CADM2: variants seen among roughly 807,000 people sequenced by gnomAD.
CADM2 encodes cell adhesion molecule 2.
A neutral mutation model predicts 49.8 loss-of-function variants in CADM2; 12 were observed. That is an observed-to-expected ratio of 0.24 (90% CI 0.15 to 0.39). CADM2 has a LOEUF of 0.39. Ranked by LOEUF, CADM2 falls within the 10% of genes least tolerant of loss-of-function variation. The pLI is 1.00. For missense variants in CADM2, 378 were observed against 492.3 expected (o/e 0.77, Z 2.20); for synonymous variants, 214 against 175.4 (o/e 1.22, Z -1.74).
At chr3:86,052,333 GA>G (rs923265899) in intron 8 of CADM2, among the ~76,000 whole-genome samples, 3 of 152,038 alleles carry the variant, frequency 2.0e-5, no homozygotes, top group African/African-American at 7.2e-5. Context: ...GTACGGCTTT[GA>G]AAAGTTTTAA....
intron 1 of CADM2, among the ~76,000 whole-genome samples, chr3:85,340,770 G>A (rs2045218226): frequency 1.3e-5 from 2 of 151,296 alleles, no homozygotes; most frequent in African/African-American, 4.8e-5. Context: ...TTGTTTAAAA[G>A]CTCATCCATA....
chr3:84,976,835 T>G (rs2031851449), intron 1 of CADM2, among the ~76,000 whole-genome samples: 1 of 151,932 alleles, frequency 6.6e-6, no homozygotes, highest in Admixed American at 6.6e-5. Flanking sequence ...CATATCATCT[T>G]ATCTTTTCAA....
At chr3:85,467,093 C>A (rs943127704) in intron 1 of CADM2, among the ~76,000 whole-genome samples, 7 of 152,030 alleles carry the variant, frequency 4.6e-5, no homozygotes, top group African/African-American at 1.7e-4. Context: ...TAGCAACTAC[C>A]CTATGTTGAC....
chr3:86,026,904 T>C (rs549038796), intron 8 of CADM2, among the ~76,000 whole-genome samples: 2 of 152,314 alleles, frequency 1.3e-5, no homozygotes, highest in East Asian at 3.9e-4. Flanking sequence ...TATGCATTCT[T>C]ATGGTTAACT....
At chr3:85,510,648 T>C (rs1347557926) in intron 1 of CADM2, among the ~76,000 whole-genome samples, 1 of 152,106 alleles carries the variant, frequency 6.6e-6, no homozygotes, top group Non-Finnish European at 1.5e-5. Flanking sequence ...ATGTATTCAA[T>C]ATTCAACTCT....
At chr3:85,318,615 C>G (rs2044526585) in intron 1 of CADM2, among the ~76,000 whole-genome samples, 1 of 152,054 alleles carries the variant, frequency 6.6e-6, no homozygotes, top group Non-Finnish European at 1.5e-5. Context: ...TAACATAGTA[C>G]CTTCAGAATC....
intron 5 of CADM2, among the ~76,000 whole-genome samples, chr3:85,902,196 G>A (rs1249235818): frequency 6.6e-6 from 1 of 151,904 alleles, no homozygotes; most frequent in African/African-American, 2.4e-5. Flanking sequence ...TACCTTAAGT[G>A]CTCTCTTTAC....
At chr3:85,484,673 C>A (rs892221926) in intron 1 of CADM2, among the ~76,000 whole-genome samples, 1 of 151,808 alleles carries the variant, frequency 6.6e-6, no homozygotes, top group Non-Finnish European at 1.5e-5. Flanking sequence ...GCTTTCTTAC[C>A]GTCACAGACC....
intron 1 of CADM2, among the ~76,000 whole-genome samples, chr3:85,436,894 CTT>C (rs1054611212): frequency 3.3e-5 from 5 of 152,266 alleles, no homozygotes; most frequent in African/African-American, 1.2e-4. Flanking sequence ...AGGGTTCACT[CTT>C]GTTACTGTAC....
At chr3:85,216,309 T>A (rs2107781869) in intron 1 of CADM2, among the ~76,000 whole-genome samples, 2 of 147,512 alleles carry the variant, frequency 1.4e-5, no homozygotes, top group South Asian at 4.2e-4. Context: ...TTTATATATA[T>A]TTAACATATT....
intron 1 of CADM2, among the ~76,000 whole-genome samples, chr3:85,318,761 G>A (rs1488116925): frequency 6.6e-6 from 1 of 152,146 alleles, no homozygotes; most frequent in Non-Finnish European, 1.5e-5. Context: ...AAATGATATT[G>A]AGTTGGATAG....
At chr3:85,519,140 C>G (rs2060972401) in intron 1 of CADM2, among the ~76,000 whole-genome samples, 1 of 151,932 alleles carries the variant, frequency 6.6e-6, no homozygotes, top group Non-Finnish European at 1.5e-5. Context: ...ATACATTTGT[C>G]ATTACTTTCA....
intron 3 of CADM2, among the ~76,000 whole-genome samples, chr3:85,853,584 T>C (rs2075189501): frequency 6.6e-6 from 1 of 151,894 alleles, no homozygotes; most frequent in Non-Finnish European, 1.5e-5. Flanking sequence ...CACTTATAAA[T>C]TTGTAATACT....
intron 6 of CADM2, among the ~76,000 whole-genome samples, chr3:85,927,127 T>C (rs1185370220): frequency 6.6e-6 from 1 of 152,196 alleles, no homozygotes; most frequent in Non-Finnish European, 1.5e-5. Context: ...TGCGTATTAT[T>C]TACCAAGTAT....
intron 8 of CADM2, among the ~76,000 whole-genome samples, chr3:86,065,109 G>A (rs1233417771): frequency 6.6e-6 from 1 of 152,102 alleles, no homozygotes; most frequent in Non-Finnish European, 1.5e-5. Flanking sequence ...TCAGTTCTCA[G>A]ACCTCTTATT....
chr3:85,939,871 G>T (rs1721648644), intron 7 of CADM2, among the ~76,000 whole-genome samples: 1 of 148,502 alleles, frequency 6.7e-6, no homozygotes. Flanking sequence ...TTAATCTTTA[G>T]GAAGACAGAT....
intron 1 of CADM2, among the ~76,000 whole-genome samples, chr3:85,350,969 G>A (rs973099413): frequency 1.3e-5 from 2 of 151,934 alleles, no homozygotes; most frequent in Admixed American, 6.6e-5. Context: ...CATTTTCAAA[G>A]AACAAGAAAA....
chr3:86,003,668 A>C (rs1050129482), intron 8 of CADM2, among the ~76,000 whole-genome samples: 1 of 152,192 alleles, frequency 6.6e-6, no homozygotes, highest in Non-Finnish European at 1.5e-5. Flanking sequence ...ACTCACAGAT[A>C]CAGATCCATG....
At chr3:85,686,158 C>G (rs189302903) in intron 1 of CADM2, among the ~76,000 whole-genome samples, 1 of 152,070 alleles carries the variant, frequency 6.6e-6, no homozygotes, top group Non-Finnish European at 1.5e-5. Flanking sequence ...AGAATAAAAC[C>G]TACTTCCTTC....
Sources: allele counts gnomAD v4.1 joint callset (sites outside exome capture counted in the v4.1 genomes callset), GRCh38; gene constraint gnomAD v4.1.1; transcripts MANE v1.5; gene names NCBI Gene and HGNC (gene_info 2026-07-23, HGNC 2026-07-21).